NLGN1: variants seen among roughly 807,000 people sequenced by gnomAD.
NLGN1 encodes the protein neuroligin-1.
NLGN1 carries 12 observed loss-of-function variants against 65.5 expected under a neutral mutation model. The ratio of observed to expected loss-of-function variants is 0.18; its 90% CI spans 0.12 to 0.30. The LOEUF is 0.30. Ranked by LOEUF, NLGN1 falls within the 10% of genes least tolerant of loss-of-function variation. NLGN1 has a pLI of 1.00. For missense variants in NLGN1, 750 were observed against 1,007.1 expected, an observed-to-expected ratio of 0.74 and a Z score of 3.46; for synonymous variants, 350 against 359.5, an observed-to-expected ratio of 0.97 and a Z score of 0.30.
intron 4 of NLGN1, among the ~76,000 whole-genome samples, chr3:173,940,782 G>A (rs1335336148): frequency 6.6e-6 from 1 of 152,140 alleles, no homozygotes; most frequent in Non-Finnish European, 1.5e-5. Flanking sequence ...TTTCTCATAA[G>A]TAGTTAAAGA....
intron 4 of NLGN1, among the ~76,000 whole-genome samples, chr3:174,107,907 C>T (rs1000031827): frequency 3.3e-5 from 5 of 152,016 alleles, no homozygotes; most frequent in African/African-American, 1.2e-4. Flanking sequence ...TTTTTATGTG[C>T]GTATTTGCTA....
At chr3:173,835,027 C>A (rs961682957) in intron 4 of NLGN1, among the ~76,000 whole-genome samples, 2 of 152,120 alleles carry the variant, frequency 1.3e-5, no homozygotes, top group African/African-American at 4.8e-5. Context: ...GAATTCTTAC[C>A]CAAATTTTCT....
At chr3:174,234,378 A>G (rs1741272263) in intron 4 of NLGN1, among the ~76,000 whole-genome samples, 1 of 152,076 alleles carries the variant, frequency 6.6e-6, no homozygotes, top group Non-Finnish European at 1.5e-5. Context: ...GTCTGCATTC[A>G]CAGCATCCTG....
At chr3:174,033,085 G>T (rs1730379989) in intron 4 of NLGN1, among the ~76,000 whole-genome samples, 1 of 151,864 alleles carries the variant, frequency 6.6e-6, no homozygotes, top group African/African-American at 2.4e-5. Context: ...GCCCACCAAA[G>T]AACTGAGATT....
intron 5 of NLGN1, 116 bp from the exon 6 acceptor site, chr3:174,278,745 C>T: frequency 2.6e-6 from 2 of 770,616 alleles, no homozygotes; most frequent in East Asian, 3.0e-5. Flanking sequence ...TCTCTAACTC[C>T]CTGTTTCTTG....
chr3:174,222,993 A>T (rs1209851051), intron 4 of NLGN1, among the ~76,000 whole-genome samples: 1 of 152,228 alleles, frequency 6.6e-6, no homozygotes, highest in East Asian at 1.9e-4. Flanking sequence ...AATCAATCTC[A>T]CTTTATCTAA....
intron 4 of NLGN1, among the ~76,000 whole-genome samples, chr3:173,977,241 G>C (rs1364764110): frequency 6.6e-6 from 1 of 151,918 alleles, no homozygotes; most frequent in Non-Finnish European, 1.5e-5. Context: ...AGACTTCTCT[G>C]AGAAAATAAC....
intron 4 of NLGN1, among the ~76,000 whole-genome samples, chr3:174,053,060 T>G (rs1156847101): frequency 6.6e-6 from 1 of 152,038 alleles, no homozygotes; most frequent in Non-Finnish European, 1.5e-5. Context: ...TGTGTAGGAC[T>G]TTACTTAGAG....
At chr3:173,799,730 G>A (rs13087933) in intron 3 of NLGN1, among the ~76,000 whole-genome samples, 12,033 of 151,706 alleles carry the variant, frequency 0.079, 509 homozygotes, top group Middle Eastern at 0.095. Context: ...GTAATGACAA[G>A]TAATTTTAAA....
At chr3:173,697,689 G>A (rs1044975844) in intron 3 of NLGN1, among the ~76,000 whole-genome samples, 5 of 151,940 alleles carry the variant, frequency 3.3e-5, no homozygotes, top group Admixed American at 2.6e-4. Flanking sequence ...CACCAAGCCC[G>A]GCTAATTTTG....
chr3:173,510,487 A>G lies in NLGN1; in HGVS notation c.-321+75409A>G, dbSNP rs16827356. Among the ~76,000 whole-genome samples the G allele has an allele frequency of 7.2e-3, 1,097 of 152,340 alleles. 28 individuals carry two copies. Among genetic ancestry groups the G allele is most frequent in the South Asian group, 0.066 (320 of 4,826 alleles). ...TGCAGTGAAAGGTTCAGGTAGATAA[A>G]TACGAGAATGGGAGGTTTTCATTTG... On this transcript the variant is annotated intron_variant, in intron 2 of 6. Coordinates refer to ENST00000457714, the Ensembl canonical transcript of NLGN1.
At chr3:173,805,477 A>C (rs1262814799) in intron 3 of NLGN1, among the ~76,000 whole-genome samples, 1 of 152,212 alleles carries the variant, frequency 6.6e-6, no homozygotes, top group Non-Finnish European at 1.5e-5. Flanking sequence ...AGCTCCTAGA[A>C]TCTATTGTCA....
chr3:174,273,692 G>A (rs1749931065), intron 4 of NLGN1, among the ~76,000 whole-genome samples: 1 of 151,612 alleles, frequency 6.6e-6, no homozygotes, highest in African/African-American at 2.4e-5. Flanking sequence ...TAGTCTTAAG[G>A]AAAGTTAACA....
At chr3:173,497,827 C>T (rs1348984592) in intron 2 of NLGN1, among the ~76,000 whole-genome samples, 3 of 151,782 alleles carry the variant, frequency 2.0e-5, no homozygotes, top group Admixed American at 6.6e-5. Flanking sequence ...TCTTTATTGA[C>T]TATGACAGTT....
chr3:173,818,919 G>T (rs1259646256), intron 4 of NLGN1, among the ~76,000 whole-genome samples: 1 of 14,068 alleles, frequency 7.1e-5, no homozygotes, highest in Non-Finnish European at 1.8e-4. Flanking sequence ...TTTCCAGTAA[G>T]GAACTAAGGG....
intron 4 of NLGN1, among the ~76,000 whole-genome samples, chr3:174,068,311 C>G (rs1739095769): frequency 6.6e-6 from 1 of 152,148 alleles, no homozygotes; most frequent in Admixed American, 6.6e-5. Context: ...CCACTCCCTT[C>G]CAGCCTGCAA....
At chr3:174,028,580 G>C (rs1729304559) in intron 4 of NLGN1, among the ~76,000 whole-genome samples, 1 of 152,196 alleles carries the variant, frequency 6.6e-6, no homozygotes, top group African/African-American at 2.4e-5. Flanking sequence ...GCTGTTAACA[G>C]CATTCAGTTT....
chr3:173,747,632 A>G (rs1424515129), intron 3 of NLGN1, among the ~76,000 whole-genome samples: 1 of 150,682 alleles, frequency 6.6e-6, no homozygotes, highest in African/African-American at 2.4e-5. Flanking sequence ...TTAGTGACAC[A>G]TATTTCCTTT....
chr3:173,652,288 A>G (rs904478432), intron 3 of NLGN1, among the ~76,000 whole-genome samples: 17 of 151,890 alleles, frequency 1.1e-4, no homozygotes, highest in Non-Finnish European at 1.8e-4. Context: ...CCATTTGTTT[A>G]TTTTTGGTTT....
Sources: allele counts gnomAD v4.1 joint callset (sites outside exome capture counted in the v4.1 genomes callset), GRCh38; gene constraint gnomAD v4.1.1; transcripts MANE v1.5; gene names NCBI Gene and HGNC (gene_info 2026-07-23, HGNC 2026-07-21).